Variants in EFTUD2 observed in about 807,000 individuals in gnomAD.
EFTUD2 encodes the protein 116 kDa U5 small nuclear ribonucleoprotein component.
EFTUD2 carries 9 observed loss-of-function variants against 114.3 expected under a neutral mutation model. The observed-to-expected ratio is 0.08, with a 90% CI of 0.05 to 0.14. The LOEUF (loss-of-function observed/expected upper bound fraction) is 0.14. Among genes scored for constraint, EFTUD2 ranks in the 10% least tolerant of loss-of-function variants. The pLI is 1.00. For missense variants in EFTUD2, 765 were observed against 1,241.2 expected (o/e 0.62, Z 5.76); for synonymous variants, 449 against 462.3 (o/e 0.97, Z 0.37).
chr17:44,883,488 C>T (rs1449093623), intron 5 of EFTUD2, 161 bp downstream of exon 5: 1 of 708,590 alleles, frequency 1.4e-6, no homozygotes, highest in Non-Finnish European at 2.4e-6. Context: ...TTGGGAAAAG[C>T]CAGAATTTCA....
Position 44,854,622 on chromosome 17 carries a change from G to C in EFTUD2, c.2193C>G (p.Ser731=). The C allele has an allele frequency of 1.2e-6, 2 of 1,614,188 alleles. No homozygotes were observed. Residue 731 remains serine (S), a synonymous_variant, in exon 22 of 28, where the codon TCC becomes TCG. Transcript: ENST00000426333. This position sits in a 1 kb window ranked among gnomAD's most constrained non-coding sequence, Gnocchi z 4.3. ...KYDWDLLAAR[S]IWAFGPDATG... ...TCGCATCAGGGCCAAAAGCCCAGAT[G>C]GAACGGGCAGCCAGCAGATCCCAAT...
At position 44,857,168 on chromosome 17, in the gene EFTUD2, G is replaced by A. The variant is rs1445844930; in HGVS notation, c.1963-11C>T. The A allele has an allele frequency of 1.9e-6, 3 of 1,612,810 alleles. No homozygotes were observed. The highest frequency in any genetic ancestry group is 2.5e-6 in the Non-Finnish European group (3 of 1,179,000). On this transcript the variant is annotated splice_polypyrimidine_tract_variant and intron_variant, in intron 19 of 27. Coordinates refer to ENST00000426333, the MANE Select transcript of EFTUD2 (RefSeq NM_004247.4). The stretch of plus-strand genomic sequence containing the variant: ...AACTGGGTCAGCCACCTGGGAAACA[G>A]AAAATAAATTACTGAAGCGAGGTCT...
At chr17:44,872,083 G>A (rs17628255) in intron 11 of EFTUD2, among the ~76,000 whole-genome samples, 16,292 of 152,174 alleles carry the variant, frequency 0.11, 877 homozygotes, top group Middle Eastern at 0.26. Flanking sequence ...GCCTCCATAC[G>A]GCTGGCTAGA....
chr17:44,876,714 G>A (rs1049366260), intron 9 of EFTUD2, among the ~76,000 whole-genome samples: 3 of 152,032 alleles, frequency 2.0e-5, no homozygotes, highest in South Asian at 2.1e-4. Flanking sequence ...TGAGCTGGGC[G>A]TGGTGGCAGG....
At chr17:44,868,194 G>T in intron 12 of EFTUD2, 93 bp downstream of exon 12, 3 of 1,114,214 alleles carry the variant, frequency 2.7e-6, no homozygotes, top group Non-Finnish European at 3.8e-6. Context: ...AAAAAAGTAG[G>T]TATTTAATCT....
At chr17:44,894,242 T>C (rs1359671573) in intron 2 of EFTUD2, 175 bp downstream of exon 2, 6 of 581,374 alleles carry the variant, frequency 1.0e-5, no homozygotes. Flanking sequence ...TGGTGGTGCA[T>C]ACCTGTAGTC....
At chr17:44,895,335 A>C (rs1388134857) in intron 1 of EFTUD2, among the ~76,000 whole-genome samples, 1 of 152,196 alleles carries the variant, frequency 6.6e-6, no homozygotes, top group Non-Finnish European at 1.5e-5. Flanking sequence ...GTCTCTACTA[A>C]AAATACAAAA....
rs761769793 is a variant in EFTUD2, at chr17:44,886,727, A to ATCG, written c.126_128dup (p.Asp44dup). The ATCG allele has an allele frequency of 3.1e-6, 5 of 1,613,910 alleles. 1 individual carries two copies. Among genetic ancestry groups the ATCG allele is most frequent in the South Asian group, 2.2e-5 (2 of 91,076 alleles). ...GGTCATCGTCATGATCTCCTACGTC[A>ATCG]TCGTCGTCGTCATCATCATCCATCT... On this transcript the variant is annotated inframe_insertion, in exon 3 of 28. Coordinates refer to ENST00000426333, the MANE Select transcript of EFTUD2 (RefSeq NM_004247.4).
intron 13 of EFTUD2, chr17:44,865,289 C>A: frequency 1.9e-6 from 1 of 523,902 alleles, no homozygotes; most frequent in Non-Finnish European, 3.3e-6. Flanking sequence ...CCATCCCAGC[C>A]AATAAACCAA....
chr17:44,863,689 T>C lies in EFTUD2; in HGVS notation c.1379A>G (p.Asp460Gly), dbSNP rs1296717651. 6.2e-7 allele frequency: 1 copy of C among 1,614,040 alleles called. No homozygotes were observed. The highest frequency in any genetic ancestry group is 8.5e-7 in the Non-Finnish European group (1 of 1,179,978). The change falls in exon 15 of 28, where the codon GAC becomes GGC. Residue 460 changes from aspartate to glycine, a missense_variant. This residue lies in a region of EFTUD2 where 59 missense variants were observed against 50.1 expected (regional missense o/e 1.18). Transcript: ENST00000426333. ...EHTYTGGVDS[D>G]LGEAMSDCDP... The stretch of plus-strand genomic sequence containing the variant: ...ACAGTCACTCATAGCCTCGCCGAGG[T>C]CGGAGTCCACACCACCGGTGTAGGT...
intron 10 of EFTUD2, chr17:44,872,775 C>A: frequency 2.3e-6 from 1 of 429,838 alleles, no homozygotes; most frequent in Middle Eastern, 7.3e-4. Context: ...AGTTGATTTC[C>A]CAGAGCTGGG....
At chr17:44,861,465 GGCTCACA>G (rs2145465317) in intron 16 of EFTUD2, among the ~76,000 whole-genome samples, 1 of 151,258 alleles carries the variant, frequency 6.6e-6, no homozygotes, top group Admixed American at 6.6e-5. Context: ...TGGGAGCGGT[GGCTCACA>G]CCTATAATCC....
At chr17:44,868,024 T>A in intron 12 of EFTUD2, 127 bp from the exon 13 acceptor site, 1 of 995,882 alleles carries the variant, frequency 1.0e-6, no homozygotes, top group Admixed American at 2.9e-5. Flanking sequence ...ACTGTAAAGT[T>A]TCCAGAGACA....
At position 44,854,853 on chromosome 17, in the gene EFTUD2, A is replaced by G. The variant is rs1338304692; in HGVS notation, c.2132+65T>C. Reference sequence around the variant, plus strand: ...CCCAGAAAGATGTGTGCTCTTAGAGACCCGGCAGTTAAACTGTGGCATCCC... The same window carrying G: ...CCCAGAAAGATGTGTGCTCTTAGAGGCCCGGCAGTTAAACTGTGGCATCCC... On this transcript the variant is annotated intron_variant, in intron 21 of 27. Transcript: ENST00000426333. The surrounding 1 kb of genome is among the most constrained non-coding windows in gnomAD (Gnocchi z 4.3). 6.3e-7 allele frequency: 1 copy of G among 1,578,148 alleles called. No homozygotes were observed.
At chr17:44,884,498 AAC>A (rs1196114986) in intron 4 of EFTUD2, among the ~76,000 whole-genome samples, 1 of 150,934 alleles carries the variant, frequency 6.6e-6, no homozygotes, top group Non-Finnish European at 1.5e-5. Context: ...CAGCCTGGGC[AAC>A]AGAGTGAGAC....
chr17:44,889,398 A>G (rs752265272), intron 2 of EFTUD2, among the ~76,000 whole-genome samples: 15 of 152,154 alleles, frequency 9.9e-5, no homozygotes, highest in Non-Finnish European at 1.6e-4. Flanking sequence ...GAAGGGGGAT[A>G]TGGGGTCAAG....
chr17:44,876,855 CA>C lies in EFTUD2; in HGVS notation c.703-756del, dbSNP rs58892812. ...TGGGCGACAGAGTGAGACTCCGTCTCAAAAAAAAAAAAAAAAAAAAAAAAAA... is the reference window on the plus strand; with the variant it reads ...TGGGCGACAGAGTGAGACTCCGTCTCAAAAAAAAAAAAAAAAAAAAAAAAA... On this transcript the variant is annotated intron_variant, in intron 9 of 27. Coordinates refer to ENST00000426333, the MANE Select transcript of EFTUD2 (RefSeq NM_004247.4). Among the ~76,000 whole-genome samples the C allele has an allele frequency of 6.4e-3, 307 of 48,218 alleles. 1 individual carries two copies. The highest frequency in any genetic ancestry group is 0.016 in the Middle Eastern group (1 of 64). The allele number at this position is 48,218 out of a possible 152,430, so 31.6% of individuals were successfully genotyped here.
At position 44,851,349 on chromosome 17, in the gene EFTUD2, G is replaced by A. The variant is rs764957956; in HGVS notation, c.2844C>T (p.Ser948=). 5.6e-6 allele frequency: 9 copies of A among 1,613,808 alleles called. No homozygotes were observed. In the East Asian group the frequency reaches 1.6e-4, roughly 28 times the overall value. Residue 948 remains serine, a synonymous_variant, in exon 28 of 28, where the codon AGC becomes AGT. Transcript: ENST00000426333. ...RRRKGLSEDV[S]ISKFFDDPML... is the part of the protein sequence containing the mutation. ...TAGGATCATCGAAGAATTTGCTGATGCTCACATCTTCACTGAGGCCCTGCA... is the reference window on the plus strand; with the variant it reads ...TAGGATCATCGAAGAATTTGCTGATACTCACATCTTCACTGAGGCCCTGCA...
At position 44,851,786 on chromosome 17, in the gene EFTUD2, A is replaced by G; in HGVS notation, c.2747T>C (p.Ile916Thr). Residue 916 changes from isoleucine to threonine, a missense_variant, in exon 27 of 28, where the codon ATT (isoleucine) becomes ACT (threonine). Around this residue, in one of 6 missense-constraint regions of EFTUD2, gnomAD observed 166 missense variants for 401.5 expected, o/e 0.41. Transcript: ENST00000426333. ...CTGTGGCTCCAAGGGGCGGATGACA[A>G]TGCTCTTGTCCAGGGGATCACCAGG... ...IVPGDPLDKS[I>T]VIRPLEPQPA... is the part of the protein sequence containing the mutation. 6.2e-7 allele frequency: 1 copy of G among 1,609,774 alleles called. No individual in the cohort carries two copies. The highest frequency in any genetic ancestry group is 8.5e-7 in the Non-Finnish European group (1 of 1,178,708).
Sources: gnomAD v4.1 joint callset for allele counts (sites outside exome capture counted in the v4.1 genomes callset) on GRCh38, gnomAD v4.1.1 for gene constraint, gnomAD v4.1.1 regional missense constraint, Gnocchi (gnomAD v3.1) non-coding constraint, MANE v1.5 for transcripts, NCBI Gene and HGNC (gene_info 2026-07-23, HGNC 2026-07-21) for gene names.